Variants in BARX2 observed in about 807,000 individuals in gnomAD.
BARX2 encodes the protein homeobox protein BarH-like 2.
In BARX2, 11 loss-of-function variants were observed where a neutral mutation model predicts 25.5. That is an observed-to-expected ratio of 0.43 (90% CI 0.27 to 0.71). The LOEUF (loss-of-function observed/expected upper bound fraction) is 0.71, where lower values mean the gene tolerates loss of function less well. BARX2 is among the 30% of genes least tolerant of loss of function. BARX2 has a pLI of 0.19. For missense variants in BARX2, 360 were observed against 359.9 expected, an observed-to-expected ratio of 1.00 and a Z score of 0.00; for synonymous variants, 137 against 149.5, an observed-to-expected ratio of 0.92 and a Z score of 0.61.
rs1861496005 is a variant in BARX2, at chr11:129,375,853, T to C, written c.-183T>C. On this transcript the variant is annotated 5_prime_UTR_variant, in exon 1 of 4. Coordinates refer to ENST00000281437, the MANE Select transcript of BARX2 (RefSeq NM_003658.5). This position sits in a 1 kb window ranked among gnomAD's most constrained non-coding sequence, Gnocchi z 4.0. ...CTCAGCGAAGATGCTGATCTGCGGG[T>C]GGGTCTAGACGCGCGGCAGGCGCGC... The C allele has an allele frequency of 6.3e-6, 1 of 159,546 alleles. No individual in the cohort carries two copies. Among genetic ancestry groups the C allele is most frequent in the African/African-American group, 2.4e-5 (1 of 41,466 alleles). The allele number at this position is 159,546 out of a possible 1,614,324, so 9.9% of individuals were successfully genotyped here. A position where few individuals can be genotyped will look rare whatever the true frequency, so the allele number is the denominator to read the frequency against.
intron 1 of BARX2, among the ~76,000 whole-genome samples, chr11:129,419,938 G>A (rs1041925685): frequency 5.3e-5 from 8 of 151,844 alleles, no homozygotes; most frequent in Non-Finnish European, 8.8e-5. Flanking sequence ...TAGCCACCAC[G>A]TCTGGCTAAT....
At chr11:129,398,884 A>G (rs903664150) in intron 1 of BARX2, among the ~76,000 whole-genome samples, 9 of 152,208 alleles carry the variant, frequency 5.9e-5, no homozygotes, top group African/African-American at 2.2e-4. Context: ...GAGAGAAGGG[A>G]TCTACGTGGC....
At chr11:129,398,939 T>C (rs892375968) in intron 1 of BARX2, among the ~76,000 whole-genome samples, 4 of 152,204 alleles carry the variant, frequency 2.6e-5, no homozygotes, top group Non-Finnish European at 5.9e-5. Flanking sequence ...TGTGTTTTGT[T>C]CCTTTATAAT....
intron 1 of BARX2, among the ~76,000 whole-genome samples, chr11:129,398,521 C>T (rs570247717): frequency 6.6e-5 from 10 of 152,168 alleles, no homozygotes; most frequent in Non-Finnish European, 1.2e-4. Context: ...TAAAATTTGC[C>T]TATTCCAAGC....
At chr11:129,440,493 C>T (rs932153019) in intron 2 of BARX2, among the ~76,000 whole-genome samples, 2 of 152,202 alleles carry the variant, frequency 1.3e-5, no homozygotes, top group African/African-American at 4.8e-5. Flanking sequence ...TGAGCGACTG[C>T]TTGGGAAGCA....
chr11:129,440,867 C>T (rs1389814374), intron 2 of BARX2, among the ~76,000 whole-genome samples: 2 of 152,146 alleles, frequency 1.3e-5, no homozygotes, highest in African/African-American at 4.8e-5. Context: ...ACTGTGGGCC[C>T]GAGATTCACA....
intron 1 of BARX2, among the ~76,000 whole-genome samples, chr11:129,385,625 A>G (rs1414909319): frequency 1.3e-5 from 2 of 152,196 alleles, no homozygotes; most frequent in African/African-American, 4.8e-5. Context: ...AGGCAGGGGC[A>G]TGGGAGTGGG....
chr11:129,413,051 TTCTAGCTGTA>T (rs60993023), intron 1 of BARX2, among the ~76,000 whole-genome samples: 13,486 of 152,196 alleles, frequency 0.089, 1,528 homozygotes, highest in African/African-American at 0.25. Flanking sequence ...TGGAAAAAGT[TTCTAGCTGTA>T]GGTAGAATTT....
In BARX2 at chr11:129,405,110, A is replaced by C. The variant is rs968038731; in HGVS notation, c.187+28888A>C. ...GATGCAATGATATCCAGTCCCTTTT[A>C]ATGCTCCAAGGGATTTAAGGCCTCA... On this transcript the variant is annotated intron_variant, in intron 1 of 3. Transcript: ENST00000281437. 2.0e-5 allele frequency among the ~76,000 whole-genome samples: 3 copies of C among 152,188 alleles called. No individual in the cohort carries two copies. In the South Asian group the frequency reaches 6.2e-4, roughly 32 times the overall value.
intron 1 of BARX2, among the ~76,000 whole-genome samples, chr11:129,424,455 G>A (rs73569201): frequency 8.7e-4 from 133 of 152,240 alleles, no homozygotes; most frequent in African/African-American, 3.0e-3. Context: ...CCTGCAGGTT[G>A]TTTCCAGATA....
chr11:129,437,063 G>T lies in BARX2; in HGVS notation c.488+12G>T. The T allele has an allele frequency of 6.5e-7, 1 of 1,537,040 alleles. No individual in the cohort carries two copies. The highest frequency in any genetic ancestry group is 8.8e-7 in the Non-Finnish European group (1 of 1,137,978). ...TCAACCCCAGACAGGTGAGGACGCA[G>T]GGAAGGGACTCTCCGCAGTGAAGGC... On this transcript the variant is annotated intron_variant, in intron 2 of 3. Transcript: ENST00000281437.
chr11:129,416,875 G>GTT (rs66479529), intron 1 of BARX2, among the ~76,000 whole-genome samples: 14 of 133,032 alleles, frequency 1.1e-4, no homozygotes, highest in Admixed American at 3.8e-4. Context: ...CAGTGTCTTT[G>GTT]TTTTTTTTTT....
chr11:129,426,424 G>A (rs1308825323), intron 1 of BARX2, among the ~76,000 whole-genome samples: 1 of 151,866 alleles, frequency 6.6e-6, no homozygotes, highest in East Asian at 1.9e-4. Context: ...CCAGGCTGGA[G>A]TGGAGTGGCA....
At chr11:129,413,227 C>T (rs1167379675) in intron 1 of BARX2, among the ~76,000 whole-genome samples, 1 of 152,086 alleles carries the variant, frequency 6.6e-6, no homozygotes, top group Non-Finnish European at 1.5e-5. Flanking sequence ...ATTATTATCT[C>T]TTTTCAACAG....
chr11:129,376,496 C>T lies in BARX2; in HGVS notation c.187+274C>T, dbSNP rs550552022. On this transcript the variant is annotated intron_variant, in intron 1 of 3. Coordinates refer to ENST00000281437, the MANE Select transcript of BARX2 (RefSeq NM_003658.5). This position sits in a 1 kb window ranked among gnomAD's most constrained non-coding sequence, Gnocchi z 4.2. ...TTGTCCTGCTCGGAGGAGAACGCTTCCTCGTTTCCTGCTGAAAGTTCAAAC... is the reference window on the plus strand; with the variant it reads ...TTGTCCTGCTCGGAGGAGAACGCTTTCTCGTTTCCTGCTGAAAGTTCAAAC... Among the ~76,000 whole-genome samples the T allele has an allele frequency of 6.6e-6, 1 of 152,318 alleles. No individual in the cohort carries two copies. Among genetic ancestry groups the T allele is most frequent in the East Asian group, 1.9e-4 (1 of 5,176 alleles).
chr11:129,444,771 G>A (rs1260669718), intron 3 of BARX2, among the ~76,000 whole-genome samples: 3 of 152,176 alleles, frequency 2.0e-5, no homozygotes, highest in African/African-American at 7.2e-5. Flanking sequence ...GGAGGCCGAG[G>A]TGGGTGGATC....
intron 2 of BARX2, among the ~76,000 whole-genome samples, chr11:129,438,711 C>T (rs770621882): frequency 8.5e-5 from 13 of 152,108 alleles, no homozygotes; most frequent in Non-Finnish European, 1.6e-4. Context: ...AGAAAGCAGT[C>T]GAGAGAGTCC....
At chr11:129,391,627 A>G (rs1203738712) in intron 1 of BARX2, among the ~76,000 whole-genome samples, 1 of 152,170 alleles carries the variant, frequency 6.6e-6, no homozygotes, top group African/African-American at 2.4e-5. Flanking sequence ...AAGACCCGAC[A>G]GTGGGAGTTT....
At chr11:129,382,084 G>A (rs1861570858) in intron 1 of BARX2, among the ~76,000 whole-genome samples, 1 of 152,226 alleles carries the variant, frequency 6.6e-6, no homozygotes, top group Non-Finnish European at 1.5e-5. Context: ...AATTTTAGGT[G>A]TTATTTGCAC....
Sources: gnomAD v4.1 joint callset for allele counts (sites outside exome capture counted in the v4.1 genomes callset) on GRCh38, gnomAD v4.1.1 for gene constraint, Gnocchi (gnomAD v3.1) non-coding constraint, MANE v1.5 for transcripts, NCBI Gene and HGNC (gene_info 2026-07-23, HGNC 2026-07-21) for gene names.